AGBL1: variants seen among roughly 807,000 people sequenced by gnomAD.
AGBL1 encodes cytosolic carboxypeptidase 4.
A neutral mutation model predicts 118.9 loss-of-function variants in AGBL1; 130 were observed. That is an observed-to-expected ratio of 1.09 (90% CI 0.95 to 1.26). AGBL1 has a LOEUF of 1.26. Among genes scored for constraint, AGBL1 ranks in the 50% most tolerant of loss-of-function variants. AGBL1 has a pLI of 0.00. For synonymous variants in AGBL1, 555 were observed against 478.9 expected (o/e 1.16, Z -2.08); for missense variants, 1,584 against 1,298.1 (o/e 1.22, Z -3.38).
At chr15:86,207,350 A>C (rs571415028) in intron 5 of AGBL1, among the ~76,000 whole-genome samples, 1 of 152,336 alleles carries the variant, frequency 6.6e-6, no homozygotes, top group African/African-American at 2.4e-5. Flanking sequence ...TCTGTGAAGA[A>C]AATCATTGGT....
intron 23 of AGBL1, among the ~76,000 whole-genome samples, chr15:86,922,541 C>T (rs543326571): frequency 1.3e-5 from 2 of 152,338 alleles, no homozygotes; most frequent in South Asian, 2.1e-4. Flanking sequence ...ATCCACCTGC[C>T]TTGGCCTCCC....
chr15:86,924,193 A>C (rs973179639), intron 23 of AGBL1, among the ~76,000 whole-genome samples: 4 of 152,238 alleles, frequency 2.6e-5, no homozygotes, highest in African/African-American at 9.6e-5. Context: ...ATGCTCATAC[A>C]CACAAATGTT....
intron 8 of AGBL1, 55 bp downstream of exon 8, chr15:86,257,073 G>A (rs946245548): frequency 6.5e-7 from 1 of 1,538,292 alleles, no homozygotes; most frequent in Non-Finnish European, 8.9e-7. Context: ...TTTTGACCAT[G>A]TTTCCCAGGA....
At chr15:86,961,391 C>T (rs954084840) in intron 23 of AGBL1, among the ~76,000 whole-genome samples, 1 of 151,980 alleles carries the variant, frequency 6.6e-6, no homozygotes, top group African/African-American at 2.4e-5. Context: ...AATGACAACC[C>T]TATCACTGTG....
At chr15:86,139,314 G>A (rs2076930286) in intron 1 of AGBL1, among the ~76,000 whole-genome samples, 1 of 151,874 alleles carries the variant, frequency 6.6e-6, no homozygotes, top group Non-Finnish European at 1.5e-5. Flanking sequence ...TAACACCTCT[G>A]TTATACAGAT....
intron 22 of AGBL1, among the ~76,000 whole-genome samples, chr15:86,887,265 A>G (rs1261746978): frequency 6.6e-6 from 1 of 152,138 alleles, no homozygotes; most frequent in Non-Finnish European, 1.5e-5. Context: ...GTATCTATCT[A>G]CCTACCTATC....
intron 22 of AGBL1, among the ~76,000 whole-genome samples, chr15:86,706,848 G>C (rs1269829860): frequency 6.6e-6 from 1 of 152,050 alleles, no homozygotes; most frequent in African/African-American, 2.4e-5. Flanking sequence ...TGGAATATTA[G>C]AAACACCTAC....
chr15:86,777,435 T>C (rs28709080), intron 22 of AGBL1, among the ~76,000 whole-genome samples: 22,064 of 149,518 alleles, frequency 0.15, 1,694 homozygotes, highest in Non-Finnish European at 0.18. Context: ...TATTTTTTTT[T>C]CCCTTTACAA....
chr15:86,183,060 A>C (rs976681169), intron 5 of AGBL1, among the ~76,000 whole-genome samples: 1 of 152,180 alleles, frequency 6.6e-6, no homozygotes, highest in Non-Finnish European at 1.5e-5. Flanking sequence ...AATCAAACTC[A>C]TGCTTATCCA....
chr15:86,298,150 C>T (rs1420548482), intron 17 of AGBL1, among the ~76,000 whole-genome samples: 2 of 149,998 alleles, frequency 1.3e-5, no homozygotes, highest in African/African-American at 4.9e-5. Flanking sequence ...CAGATCCCAG[C>T]ACAGAGCTGA....
chr15:86,560,140 T>C (rs1219084426), intron 21 of AGBL1, among the ~76,000 whole-genome samples: 1 of 150,726 alleles, frequency 6.6e-6, no homozygotes, highest in East Asian at 1.9e-4. Flanking sequence ...TTTTTTTTCT[T>C]GTACTTTTTT....
chr15:86,956,314 G>T, intron 23 of AGBL1, among the ~76,000 whole-genome samples: 1 of 151,748 alleles, frequency 6.6e-6, no homozygotes. Context: ...GATATAGGTA[G>T]ATGATAGATA....
chr15:86,424,692 T>C (rs2081842055), intron 18 of AGBL1, among the ~76,000 whole-genome samples: 1 of 151,794 alleles, frequency 6.6e-6, no homozygotes, highest in African/African-American at 2.4e-5. Context: ...AAATTTACAA[T>C]TGAAAAAACC....
intron 17 of AGBL1, among the ~76,000 whole-genome samples, chr15:86,369,472 C>G (rs1247528743): frequency 1.3e-5 from 2 of 152,014 alleles, no homozygotes; most frequent in African/African-American, 4.8e-5. Context: ...ATATTAAACT[C>G]CATCAACTTA....
intron 17 of AGBL1, chr15:86,317,172 C>T (rs953108253): frequency 2.0e-5 from 3 of 152,234 alleles, no homozygotes; most frequent in Non-Finnish European, 4.4e-5. Context: ...TCTATCAATA[C>T]TGTTCTTAAA....
At chr15:86,850,363 C>T (rs1239003708) in intron 22 of AGBL1, among the ~76,000 whole-genome samples, 2 of 152,158 alleles carry the variant, frequency 1.3e-5, no homozygotes, top group Non-Finnish European at 2.9e-5. Context: ...CTTTATTTGA[C>T]TTCCCAGTCT....
chr15:86,318,518 A>C (rs2080052975), intron 17 of AGBL1, among the ~76,000 whole-genome samples: 1 of 151,860 alleles, frequency 6.6e-6, no homozygotes, highest in Non-Finnish European at 1.5e-5. Flanking sequence ...TCATCCACAC[A>C]GACGTGTGTA....
intron 17 of AGBL1, among the ~76,000 whole-genome samples, chr15:86,354,411 G>A (rs111588303): frequency 0.024 from 3,585 of 152,308 alleles, 57 homozygotes; most frequent in Middle Eastern, 0.065. Flanking sequence ...ACTCATGTTC[G>A]TTAGATTGTA....
chr15:86,337,453 C>G (rs1380836030), intron 17 of AGBL1, among the ~76,000 whole-genome samples: 3 of 152,266 alleles, frequency 2.0e-5, no homozygotes, highest in Admixed American at 6.5e-5. Context: ...ATGGAATCAA[C>G]TCAAATGCCC....
Sources: gnomAD v4.1 joint callset for allele counts (sites outside exome capture counted in the v4.1 genomes callset) on GRCh38, gnomAD v4.1.1 for gene constraint, MANE v1.5 for transcripts, NCBI Gene and HGNC (gene_info 2026-07-23, HGNC 2026-07-21) for gene names.